AHCYL2: variants seen among roughly 807,000 people sequenced by gnomAD.
The protein encoded by AHCYL2 is S-adenosylhomocysteine hydrolase-like protein 2.
A neutral mutation model predicts 81.4 loss-of-function variants in AHCYL2; 28 were observed. The ratio of observed to expected loss-of-function variants is 0.34; its 90% CI spans 0.25 to 0.47. The LOEUF is 0.47. Ranked by LOEUF, AHCYL2 falls within the 20% of genes least tolerant of loss-of-function variation. The probability of loss-of-function intolerance (pLI) is 1.00; values close to 1 mark genes in which losing one functional copy is unlikely to be tolerated. For synonymous variants in AHCYL2, 272 were observed against 290.2 expected (o/e 0.94, Z 0.64); for missense variants, 551 against 785.1 (o/e 0.70, Z 3.56).
intron 1 of AHCYL2, among the ~76,000 whole-genome samples, chr7:129,246,301 A>G (rs1026304360): frequency 6.6e-6 from 1 of 151,692 alleles, no homozygotes; most frequent in African/African-American, 2.4e-5. Context: ...AAGGTGATCC[A>G]CCCGCCTCGG....
chr7:129,308,620 C>T (rs1797529738), intron 1 of AHCYL2, among the ~76,000 whole-genome samples: 1 of 152,198 alleles, frequency 6.6e-6, no homozygotes, highest in African/African-American at 2.4e-5. Context: ...GGAGGATGAT[C>T]AGTGGAGACT....
intron 1 of AHCYL2, among the ~76,000 whole-genome samples, chr7:129,311,329 C>T (rs1245577319): frequency 6.6e-6 from 1 of 152,138 alleles, no homozygotes; most frequent in African/African-American, 2.4e-5. Context: ...ATATGGGATG[C>T]CATGGGGCCA....
intron 1 of AHCYL2, among the ~76,000 whole-genome samples, chr7:129,370,792 A>G (rs1218631786): frequency 1.3e-5 from 2 of 152,258 alleles, no homozygotes; most frequent in South Asian, 2.1e-4. Flanking sequence ...TTTCTCAGCC[A>G]TTCTCTCTTA....
chr7:129,319,468 AGAAAAT>A lies in AHCYL2; in HGVS notation c.364-60169_364-60164del, dbSNP rs1295969786. ...CTGTCGCAAAAAAAAAAAAGAAAAA[AGAAAAT>A]AATCACTGTCTAACTCTTGATTAGG... On this transcript the variant is annotated intron_variant, in intron 1 of 16. Transcript: ENST00000325006. Among the ~76,000 whole-genome samples the A allele has an allele frequency of 3.9e-5, 6 of 152,090 alleles. No individual in the cohort carries two copies. In the East Asian group the frequency reaches 1.2e-3, roughly 29 times the overall value.
chr7:129,358,101 T>TA (rs1347818368), intron 1 of AHCYL2, among the ~76,000 whole-genome samples: 1 of 151,596 alleles, frequency 6.6e-6, no homozygotes, highest in African/African-American at 2.4e-5. Context: ...TATTCAGCTT[T>TA]AAAAAAGAAA....
intron 1 of AHCYL2, among the ~76,000 whole-genome samples, chr7:129,357,641 A>T (rs1653150122): frequency 6.6e-6 from 1 of 152,228 alleles, no homozygotes; most frequent in African/African-American, 2.4e-5. Flanking sequence ...GCATATAAAA[A>T]TGTGCTTGGT....
intron 1 of AHCYL2, among the ~76,000 whole-genome samples, chr7:129,334,403 T>C (rs1429297400): frequency 6.6e-6 from 1 of 152,220 alleles, no homozygotes; most frequent in Non-Finnish European, 1.5e-5. Context: ...TTCCTGATCC[T>C]ATCTAATACA....
Position 129,226,848 on chromosome 7 carries a change from G to A in AHCYL2, c.363+1409G>A, listed in dbSNP as rs550683491. ...AAAGTAAAAAAGAGAGGCAGCAGCA[G>A]CACCAGTGCTGGGAGTACCTAGATC... On this transcript the variant is annotated intron_variant, in intron 1 of 16. Coordinates refer to ENST00000325006, the MANE Select transcript of AHCYL2 (RefSeq NM_015328.4). Among the ~76,000 whole-genome samples, 38 of 152,354 alleles carry A rather than the reference G, an allele frequency of 2.5e-4. No individual in the cohort carries two copies. The South Asian group carries it at 5.0e-3, about 20-fold the overall frequency.
At chr7:129,408,815 A>G (rs1250460234) in intron 10 of AHCYL2, among the ~76,000 whole-genome samples, 1 of 152,196 alleles carries the variant, frequency 6.6e-6, no homozygotes, top group Non-Finnish European at 1.5e-5. Context: ...CAATTAAGAG[A>G]AGTAAGAGGA....
At chr7:129,287,456 G>A (rs1018500719) in intron 1 of AHCYL2, among the ~76,000 whole-genome samples, 3 of 152,208 alleles carry the variant, frequency 2.0e-5, no homozygotes, top group Admixed American at 1.3e-4. Flanking sequence ...ATTGAAGTGG[G>A]TGGTATAGCT....
intron 5 of AHCYL2, among the ~76,000 whole-genome samples, chr7:129,398,551 G>A (rs1389144674): frequency 4.6e-5 from 7 of 150,838 alleles, no homozygotes. Context: ...GCTAATTTTT[G>A]TATTTTTAGT....
intron 1 of AHCYL2, among the ~76,000 whole-genome samples, chr7:129,255,890 GA>G (rs1424427592): frequency 6.6e-6 from 1 of 152,076 alleles, no homozygotes; most frequent in Non-Finnish European, 1.5e-5. Flanking sequence ...CTTGGGCCTG[GA>G]AAGCGGAGGT....
At chr7:129,248,226 C>T (rs1400244316) in intron 1 of AHCYL2, among the ~76,000 whole-genome samples, 1 of 152,198 alleles carries the variant, frequency 6.6e-6, no homozygotes, top group Non-Finnish European at 1.5e-5. Flanking sequence ...CAGTACAGCA[C>T]TCCCCTGATT....
At chr7:129,302,345 G>GC (rs1266784002) in intron 1 of AHCYL2, among the ~76,000 whole-genome samples, 1 of 130,044 alleles carries the variant, frequency 7.7e-6, no homozygotes, top group African/African-American at 3.3e-5. Flanking sequence ...CAGTTTGAGT[G>GC]CCCTTATATC....
chr7:129,284,611 A>AG (rs1796563017), intron 1 of AHCYL2, among the ~76,000 whole-genome samples: 1 of 151,752 alleles, frequency 6.6e-6, no homozygotes, highest in African/African-American at 2.4e-5. Flanking sequence ...AAAAAAAAAA[A>AG]AAAAAAAAGC....
At chr7:129,375,484 G>A (rs1263549055) in intron 1 of AHCYL2, among the ~76,000 whole-genome samples, 1 of 152,142 alleles carries the variant, frequency 6.6e-6, no homozygotes, top group African/African-American at 2.4e-5. Context: ...GTTAATTATA[G>A]CGAGCAAAAA....
chr7:129,274,701 C>T (rs1796138029), intron 1 of AHCYL2, among the ~76,000 whole-genome samples: 2 of 152,160 alleles, frequency 1.3e-5, no homozygotes, highest in African/African-American at 4.8e-5. Flanking sequence ...GCACATAGAA[C>T]CCGGTCACCA....
intron 1 of AHCYL2, among the ~76,000 whole-genome samples, chr7:129,336,633 G>A (rs1221841111): frequency 2.0e-5 from 3 of 152,162 alleles, no homozygotes; most frequent in Non-Finnish European, 4.4e-5. Context: ...GGCAAAAAGA[G>A]TAGCGCCAAT....
At chr7:129,238,544 C>G (rs941010635) in intron 1 of AHCYL2, among the ~76,000 whole-genome samples, 19 of 152,198 alleles carry the variant, frequency 1.2e-4, no homozygotes, top group African/African-American at 4.1e-4. Context: ...AATGTAGACA[C>G]AGAAATAACT....
Sources: gnomAD v4.1 joint callset for allele counts (sites outside exome capture counted in the v4.1 genomes callset) on GRCh38, gnomAD v4.1.1 for gene constraint, MANE v1.5 for transcripts, NCBI Gene and HGNC (gene_info 2026-07-23, HGNC 2026-07-21) for gene names.